Variants in MEST observed in about 807,000 individuals in gnomAD.
MEST encodes the protein mesoderm specific transcript, also known as mesoderm-specific transcript homolog protein.
In MEST, 18 loss-of-function variants were observed where a neutral mutation model predicts 50.9. The observed-to-expected ratio is 0.35, with a 90% CI of 0.24 to 0.52. The LOEUF is 0.52. Ranked by LOEUF, MEST falls within the 20% of genes least tolerant of loss-of-function variation. The pLI is 0.94. For synonymous variants in MEST, 130 were observed against 154.1 expected, an observed-to-expected ratio of 0.84 and a Z score of 1.16; for missense variants, 282 against 425.3, an observed-to-expected ratio of 0.66 and a Z score of 2.96.
chr7:130,500,693 T>C lies in MEST; in HGVS notation c.648-96T>C. ...TTCATAAATCACTTATGGGTCAGAC[T>C]GCATGGCCCAGACTGCATGGCCTCT... On this transcript the variant is annotated intron_variant, in intron 8 of 11. Transcript: ENST00000223215. This position sits in a 1 kb window ranked among gnomAD's most constrained non-coding sequence, Gnocchi z 5.0. 2 of 1,211,984 alleles carry C rather than the reference T, an allele frequency of 1.7e-6. No individual in the cohort carries two copies. Among genetic ancestry groups the C allele is most frequent in the Non-Finnish European group, 2.4e-6 (2 of 850,902 alleles). The allele number at this position is 1,211,984 out of a possible 1,614,324, so 75.1% of individuals were successfully genotyped here.
chr7:130,500,056 T>C lies in MEST; in HGVS notation c.576+141T>C. The C allele has an allele frequency of 1.3e-6, 1 of 764,238 alleles. No individual in the cohort carries two copies. The highest frequency in any genetic ancestry group is 2.1e-6 in the Non-Finnish European group (1 of 483,506). The allele number at this position is 764,238 out of a possible 1,614,324, so 47.3% of individuals were successfully genotyped here. A position where few individuals can be genotyped will look rare whatever the true frequency, so the allele number is the denominator to read the frequency against. On this transcript the variant is annotated intron_variant, in intron 7 of 11. Coordinates refer to ENST00000223215, the MANE Select transcript of MEST (RefSeq NM_002402.4). The surrounding 1 kb of genome is among the most constrained non-coding windows in gnomAD (Gnocchi z 5.0). ...TGAATTTCTATTAATGAAGTTACTT[T>C]TTCCCTTCTTAGGCAACTAAAGCAG...
rs1554439927 is a variant in MEST at position 130,506,301 on chromosome 7, T to C, written c.*1245T>C. 1 of 145,906 alleles carries C rather than the reference T, an allele frequency of 6.9e-6. No homozygotes were observed. The highest frequency in any genetic ancestry group is 2.0e-4 in the East Asian group (1 of 4,898). 9.0% of individuals were successfully genotyped at this position (145,906 alleles called of 1,614,324 possible). ...AATGAATTGTGACAAAAGTGGACTC[T>C]GGCTTCCCCTCCCCCCTCCCCCCCA... On this transcript the variant is annotated 3_prime_UTR_variant, in exon 12 of 12. Coordinates refer to ENST00000223215, the MANE Select transcript of MEST (RefSeq NM_002402.4).
At chr7:130,498,071 G>A (rs1318192464) in intron 4 of MEST, 58 bp downstream of exon 4, 1 of 1,613,974 alleles carries the variant, frequency 6.2e-7, no homozygotes, top group African/African-American at 1.3e-5. Context: ...CAGACTATGA[G>A]GGTCAGGCTG....
chr7:130,501,407 C>T (rs1338111899), intron 9 of MEST, among the ~76,000 whole-genome samples: 1 of 152,144 alleles, frequency 6.6e-6, no homozygotes, highest in Non-Finnish European at 1.5e-5. Flanking sequence ...ATCCTCCCAC[C>T]CTCTCCTAAG....
chr7:130,486,903 TGTCG>T (rs1244622653), intron 1 of MEST: 1 of 152,820 alleles, frequency 6.5e-6, no homozygotes, highest in Non-Finnish European at 1.5e-5. Flanking sequence ...GAGCTGCAGG[TGTCG>T]GTCCAGGTCC....
rs1224271614 is a variant in MEST, at chr7:130,500,996, A to T, written c.749+106A>T. On this transcript the variant is annotated intron_variant, in intron 9 of 11. Coordinates refer to ENST00000223215, the MANE Select transcript of MEST (RefSeq NM_002402.4). This position sits in a 1 kb window ranked among gnomAD's most constrained non-coding sequence, Gnocchi z 5.0. ...CTTATTCCCTATCACAGGAAGGCTGATGATGACCTATGGGGCAAACCAAAA... is the reference window on the plus strand; with the variant it reads ...CTTATTCCCTATCACAGGAAGGCTGTTGATGACCTATGGGGCAAACCAAAA... The T allele has an allele frequency of 3.2e-6, 3 of 925,726 alleles. No homozygotes were observed. Among genetic ancestry groups the T allele is most frequent in the Non-Finnish European group, 4.9e-6 (3 of 609,204 alleles). 57.3% of individuals were successfully genotyped at this position (925,726 alleles called of 1,614,324 possible).
At chr7:130,496,119 G>A in intron 2 of MEST, 1 of 471,078 alleles carries the variant, frequency 2.1e-6, no homozygotes, top group South Asian at 1.6e-5. Context: ...TTTGTTTTGA[G>A]CGGGGGTCAA....
At chr7:130,498,588 C>T in intron 6 of MEST, 111 bp downstream of exon 6, 1 of 994,128 alleles carries the variant, frequency 1.0e-6, no homozygotes, top group Non-Finnish European at 1.6e-6. Context: ...CATAATTAAA[C>T]TATGGGATCT....
intron 2 of MEST, chr7:130,496,065 C>A (rs187652428): frequency 9.8e-5 from 46 of 469,172 alleles, no homozygotes; most frequent in African/African-American, 8.4e-4. Flanking sequence ...GTGCCATTAA[C>A]CTCATTTTAT....
Position 130,492,215 on chromosome 7 carries a change from G to C in MEST, c.-99G>C, listed in dbSNP as rs1302701936. On this transcript the variant is annotated 5_prime_UTR_variant, in exon 1 of 12. Transcript: ENST00000223215. The surrounding 1 kb of genome is among the most constrained non-coding windows in gnomAD (Gnocchi z 7.6). Reference sequence around the variant, plus strand: ...CCGCCCTGCGCGGGCTGTGGGCTGCGGGCTGCGCCCCCGCTGCTGGCCAGC... The same window carrying C: ...CCGCCCTGCGCGGGCTGTGGGCTGCCGGCTGCGCCCCCGCTGCTGGCCAGC... 84 of 1,072,044 alleles carry C rather than the reference G, an allele frequency of 7.8e-5. No individual in the cohort carries two copies. Among genetic ancestry groups the C allele is most frequent in the Non-Finnish European group, 9.4e-5 (80 of 847,988 alleles). 66.4% of individuals were successfully genotyped at this position (1,072,044 alleles called of 1,614,324 possible).
Position 130,492,459 on chromosome 7 carries a change from A to AT in MEST, c.26+120_26+121insT. ...CTGCCTCTGGGCGAAAACTCTACCG[A>AT]CAGGCGGCACGCATTCCGCGCCCGC... On this transcript the variant is annotated intron_variant, in intron 1 of 11. Transcript: ENST00000223215. The surrounding 1 kb of genome is among the most constrained non-coding windows in gnomAD (Gnocchi z 7.6). The AT allele has an allele frequency of 1.1e-6, 1 of 878,330 alleles. No individual in the cohort carries two copies. Among genetic ancestry groups the AT allele is most frequent in the Non-Finnish European group, 1.5e-6 (1 of 663,138 alleles). 54.4% of individuals were successfully genotyped at this position (878,330 alleles called of 1,614,324 possible).
chr7:130,503,141 T>C (rs186004750), intron 10 of MEST, among the ~76,000 whole-genome samples: 8 of 152,344 alleles, frequency 5.3e-5, no homozygotes, highest in Admixed American at 2.0e-4. Context: ...AGAAGGCTGT[T>C]TGGATTACTA....
chr7:130,500,782 CTT>C lies in MEST; in HGVS notation c.648-5_648-4del. The stretch of plus-strand genomic sequence containing the variant: ...CACTTATCTTCCTGCGTTTTGGACT[CTT>C]TCAGTCTCACCCCAGTCTTTGGGCC... On this transcript the variant is annotated splice_polypyrimidine_tract_variant and splice_region_variant and intron_variant, in intron 8 of 11. Transcript: ENST00000223215. The surrounding 1 kb of genome is among the most constrained non-coding windows in gnomAD (Gnocchi z 5.0). 2 of 1,605,656 alleles carry C rather than the reference CTT, an allele frequency of 1.2e-6. No homozygotes were observed. The highest frequency in any genetic ancestry group is 1.7e-6 in the Non-Finnish European group (2 of 1,176,798).
Position 130,495,395 on chromosome 7 carries a change from G to A in MEST, c.54G>A (p.Gly18=). The change falls in exon 2 of 12, where the codon GGG becomes GGA. Residue 18 remains glycine (G), a synonymous_variant. Coordinates refer to ENST00000223215, the MANE Select transcript of MEST (RefSeq NM_002402.4). ...RRMREWWVQV[G]LLAVPLLAAY... ...TGAGGGAGTGGTGGGTCCAGGTGGG[G>A]CTGCTGGCCGTGCCCCTGCTTGCTG... 6.2e-7 allele frequency: 1 copy of A among 1,612,906 alleles called. No homozygotes were observed. The highest frequency in any genetic ancestry group is 8.5e-7 in the Non-Finnish European group (1 of 1,179,428).
chr7:130,490,954 C>T (rs1483318846), upstream of MEST: 4 of 152,254 alleles, frequency 2.6e-5, no homozygotes, highest in Non-Finnish European at 5.9e-5. Flanking sequence ...CCGAACCTTT[C>T]GGGGTGCAGA....
At chr7:130,501,026 A>G in intron 9 of MEST, 136 bp downstream of exon 9, 1 of 612,188 alleles carries the variant, frequency 1.6e-6, no homozygotes, top group Admixed American at 3.2e-5. Context: ...CCAAAAAGTC[A>G]TGGTCTATAT....
exon 1 of MEST, chr7:130,486,391 A>C (rs1450509789): frequency 1.3e-5 from 2 of 152,418 alleles, no homozygotes; most frequent in Admixed American, 6.5e-5. Flanking sequence ...TCTTACCTGA[A>C]TCAGGTAAGA....
intron 1 of MEST, chr7:130,493,123 A>G (rs1364641002): frequency 1.3e-5 from 2 of 152,196 alleles, no homozygotes; most frequent in African/African-American, 4.8e-5. Flanking sequence ...AGTGCCCGTC[A>G]GCCGCCTTAA....
chr7:130,500,729 C>A lies in MEST; in HGVS notation c.648-60C>A. On this transcript the variant is annotated intron_variant, in intron 8 of 11. Transcript: ENST00000223215. This position sits in a 1 kb window ranked among gnomAD's most constrained non-coding sequence, Gnocchi z 5.0. ...GACTGCATGGCCTCTGAGGTTCCAG[C>A]CATATTGAACATTCTGAGTTCTCCT... is the stretch of plus-strand genomic sequence containing the variant. 7.0e-7 allele frequency: 1 copy of A among 1,432,484 alleles called. No homozygotes were observed. The highest frequency in any genetic ancestry group is 9.6e-7 in the Non-Finnish European group (1 of 1,039,124). 88.7% of individuals were successfully genotyped at this position (1,432,484 alleles called of 1,614,324 possible). A position where few individuals can be genotyped will look rare whatever the true frequency, so the allele number is the denominator to read the frequency against.
Sources: gnomAD v4.1 joint callset for allele counts (sites outside exome capture counted in the v4.1 genomes callset) on GRCh38, gnomAD v4.1.1 for gene constraint, Gnocchi (gnomAD v3.1) non-coding constraint, MANE v1.5 for transcripts, NCBI Gene and HGNC (gene_info 2026-07-23, HGNC 2026-07-21) for gene names.